CDH23: variants seen among roughly 807,000 people sequenced by gnomAD.
CDH23 encodes cadherin related 23.
In CDH23, 189 loss-of-function variants were observed where a neutral mutation model predicts 317.1. That is an observed-to-expected ratio of 0.60 (90% confidence interval 0.53 to 0.67). The LOEUF (loss-of-function observed/expected upper bound fraction) is 0.67. Among genes scored for constraint, CDH23 ranks in the 30% least tolerant of loss-of-function variants. The pLI is 0.00. For missense variants in CDH23, 4,401 were observed against 4,592.4 expected (o/e 0.96, Z 1.20); for synonymous variants, 1,839 against 1,876.8 (o/e 0.98, Z 0.52).
In CDH23 at chr10:71,617,378, G is replaced by A. The variant is rs1861246235; in HGVS notation, c.1119G>A (p.Val373=). The part of the protein sequence containing the change: ...VGFALPLFIQ[V]VDKDENLGLN... ...TTGCCCTTCCACTCTTCATCCAGGT[G>A]GTGGACAAGGATGAGGTGAGTCCCT... The change falls in exon 11 of 70, where the codon GTG becomes GTA. Residue 373 remains valine, a synonymous_variant. Coordinates refer to ENST00000224721, the MANE Select transcript of CDH23 (RefSeq NM_022124.6). The A allele has an allele frequency of 6.2e-7, 1 of 1,613,624 alleles. No individual in the cohort carries two copies. Among genetic ancestry groups the A allele is most frequent in the Non-Finnish European group, 8.5e-7 (1 of 1,179,872 alleles).
chr10:71,734,446 G>A (rs553832369), intron 33 of CDH23, 105 bp downstream of exon 33: 70 of 1,479,772 alleles, frequency 4.7e-5, no homozygotes, highest in South Asian at 4.4e-4. Context: ...GCCAGGCAGC[G>A]GGCGAGGGTC....
At chr10:71,619,811 C>G (rs917182896) in intron 11 of CDH23, among the ~76,000 whole-genome samples, 26 of 152,078 alleles carry the variant, frequency 1.7e-4, no homozygotes, top group Non-Finnish European at 3.1e-4. Flanking sequence ...TGGAGGCAAC[C>G]CAGAAGGAAG....
At chr10:71,476,547 T>C (rs1851804831) in intron 3 of CDH23, among the ~76,000 whole-genome samples, 1 of 152,118 alleles carries the variant, frequency 6.6e-6, no homozygotes, top group African/African-American at 2.4e-5. Context: ...CAAGTACAAA[T>C]GGAAAACCAC....
At position 71,707,047 on chromosome 10, in the gene CDH23, C is replaced by T. The variant is rs781106392; in HGVS notation, c.3104C>T (p.Thr1035Ile). Residue 1035 changes from threonine to isoleucine, a missense_variant and splice_region_variant, in exon 26 of 70, where the codon ACA becomes ATA. Thr to Ile is a moderately conservative substitution (Grantham distance 89, BLOSUM62 -1). Coordinates refer to ENST00000224721, the MANE Select transcript of CDH23 (RefSeq NM_022124.6). ...GLNAELSYFI[T>I]GGNVDGKFSV... ...AATGCAGAGCTCAGCTACTTCATCA[C>T]AGGTGCTGCCCCGGCCTCCGCCCAC... The T allele has an allele frequency of 4.4e-6, 7 of 1,601,506 alleles. No individual in the cohort carries two copies. The highest frequency in any genetic ancestry group is 6.0e-6 in the Non-Finnish European group (7 of 1,174,238).
chr10:71,569,744 G>A (rs1453502480), intron 7 of CDH23, among the ~76,000 whole-genome samples: 2 of 152,136 alleles, frequency 1.3e-5, no homozygotes, highest in Non-Finnish European at 1.5e-5. Context: ...CTACAGATGC[G>A]AGTGAAGTGC....
intron 7 of CDH23, among the ~76,000 whole-genome samples, chr10:71,568,936 G>T (rs931062621): frequency 6.6e-6 from 1 of 152,230 alleles, no homozygotes; most frequent in Non-Finnish European, 1.5e-5. Flanking sequence ...GACAGAGAGG[G>T]CCTGTGCCAG....
At position 71,485,452 on chromosome 10, in the gene CDH23, C is replaced by T. The variant is rs865958642; in HGVS notation, c.146-24630C>T. On this transcript the variant is annotated intron_variant, in intron 3 of 69. Coordinates refer to ENST00000224721, the MANE Select transcript of CDH23 (RefSeq NM_022124.6). ...TCTTTGGCCATCCGTCCTGCATTGA[C>T]CTTTTGTGCTCAGGCTGCCATGTCT... Among the ~76,000 whole-genome samples the T allele has an allele frequency of 7.2e-5, 11 of 152,328 alleles. No homozygotes were observed. The Middle Eastern group carries it at 0.014, about 188-fold the overall frequency.
At chr10:71,499,543 C>T (rs564142011) in intron 3 of CDH23, among the ~76,000 whole-genome samples, 2 of 149,940 alleles carry the variant, frequency 1.3e-5, no homozygotes, top group East Asian at 4.0e-4. Flanking sequence ...GCCTAGGCAA[C>T]AAGAGTGAAA....
chr10:71,797,187 G>T lies in CDH23; in HGVS notation c.6796G>T (p.Asp2266Tyr). The change falls in exon 49 of 70, where the codon GAC becomes TAC. Residue 2266 changes from aspartate to tyrosine, a missense_variant. Asp to Tyr is a radical substitution (Grantham distance 160). Coordinates refer to ENST00000224721, the MANE Select transcript of CDH23 (RefSeq NM_022124.6). ...VTLSVIDNAS[D>Y]LPERSVSVPN... is the part of the protein sequence containing the mutation. ...TCTCTCAGTGATTGACAATGCCAGC[G>T]ACCTACCAGAGCGCTCTGTCAGTGT... is the stretch of plus-strand genomic sequence containing the variant. 6.2e-7 allele frequency: 1 copy of T among 1,613,292 alleles called. No homozygotes were observed. Among genetic ancestry groups the T allele is most frequent in the Non-Finnish European group, 8.5e-7 (1 of 1,179,568 alleles).
intron 10 of CDH23, 117 bp downstream of exon 10, chr10:71,615,733 T>C: frequency 1.4e-6 from 1 of 699,090 alleles, no homozygotes; most frequent in Non-Finnish European, 2.5e-6. Context: ...AGCACTTCGC[T>C]TCCGTGCTCT....
Position 71,510,162 on chromosome 10 carries a change from C to T in CDH23, c.226C>T (p.Arg76Cys), listed in dbSNP as rs746779432. 11 of 1,614,010 alleles carry T rather than the reference C, an allele frequency of 6.8e-6. No homozygotes were observed. The highest frequency in any genetic ancestry group is 1.6e-4 in the Middle Eastern group (1 of 6,062). The change falls in exon 4 of 70, where the codon CGC becomes TGC. Residue 76 changes from arginine to cysteine, a missense_variant. Around this residue, in one of 3 missense-constraint regions of CDH23, gnomAD observed 3,068 missense variants for 3,203.3 expected, o/e 0.96. Coordinates refer to ENST00000224721, the MANE Select transcript of CDH23 (RefSeq NM_022124.6). ...TGGCGTGTCTGGGGAGGAGGCCTCT[C>T]GCTTCTTTGCAGTGGAGCCTGACAC... The part of the protein sequence containing the change: ...VFGVSGEEAS[R>C]FFAVEPDTGV...
intron 3 of CDH23, 88 bp from the exon 4 acceptor site, chr10:71,509,994 G>A: frequency 6.7e-7 from 1 of 1,502,598 alleles, no homozygotes; most frequent in Admixed American, 1.7e-5. Context: ...GCCACTCCCT[G>A]CTGAGAGTTC....
chr10:71,658,323 G>C (rs2132625498), intron 14 of CDH23, among the ~76,000 whole-genome samples: 1 of 152,268 alleles, frequency 6.6e-6, no homozygotes, highest in African/African-American at 2.4e-5. Flanking sequence ...AACATAGCAG[G>C]CTGTCGCCTT....
intron 6 of CDH23, among the ~76,000 whole-genome samples, chr10:71,538,657 C>A (rs1855832708): frequency 6.6e-6 from 1 of 152,198 alleles, no homozygotes; most frequent in African/African-American, 2.4e-5. Context: ...AAATGACAGG[C>A]AGCTAGAACA....
intron 1 of CDH23, among the ~76,000 whole-genome samples, chr10:71,403,766 C>T (rs1165844738): frequency 2.6e-5 from 4 of 151,874 alleles, no homozygotes; most frequent in Non-Finnish European, 4.4e-5. Context: ...CTGCCCACCT[C>T]GGCCTCCCAA....
At chr10:71,759,502 T>G (rs1474498794) in intron 38 of CDH23, among the ~76,000 whole-genome samples, 1 of 150,506 alleles carries the variant, frequency 6.6e-6, no homozygotes, top group Admixed American at 6.6e-5. Context: ...GAGAGAGTCT[T>G]TCTCAAAAAA....
At chr10:71,702,762 AG>A in intron 24 of CDH23, 68 bp downstream of exon 24, 1 of 1,594,040 alleles carries the variant, frequency 6.3e-7, no homozygotes, top group Non-Finnish European at 8.6e-7. Context: ...AGCCTAGCCC[AG>A]GCTGAAAACT....
intron 9 of CDH23, among the ~76,000 whole-genome samples, chr10:71,610,490 G>A (rs1345900962): frequency 1.3e-5 from 2 of 152,174 alleles, no homozygotes; most frequent in Non-Finnish European, 2.9e-5. Context: ...AGTCCAAGCT[G>A]GCCACTTGCT....
In CDH23 at chr10:71,475,512, A is replaced by G. The variant is rs563442148; in HGVS notation, c.145+29117A>G. Among the ~76,000 whole-genome samples, 124 of 152,316 alleles carry G rather than the reference A, an allele frequency of 8.1e-4. 1 individual carries two copies. The highest frequency in any genetic ancestry group is 2.9e-3 in the African/African-American group (122 of 41,590). ...GAAAAGCGACCTTCAGGCTGAGCCA[A>G]CTTTGGGGGAAGAGCCTTCAGGCGT... is the stretch of plus-strand genomic sequence containing the variant. On this transcript the variant is annotated intron_variant, in intron 3 of 69. Transcript: ENST00000224721.
Sources: allele counts gnomAD v4.1 joint callset (sites outside exome capture counted in the v4.1 genomes callset), GRCh38; gene constraint gnomAD v4.1.1; regional missense constraint gnomAD v4.1.1; transcripts MANE v1.5; gene names NCBI Gene and HGNC (gene_info 2026-07-23, HGNC 2026-07-21).